The following MYLK4 variants were observed in gnomAD, a reference collection of about 807,000 sequenced individuals.
MYLK4 encodes myosin light chain kinase family member 4, also known as caMLCK like.
A neutral mutation model predicts 48.1 loss-of-function variants in MYLK4; 46 were observed. That is an observed-to-expected ratio of 0.96 (90% CI 0.75 to 1.22). The LOEUF (loss-of-function observed/expected upper bound fraction) is 1.22, where lower values mean the gene tolerates loss of function less well. Ranked by LOEUF, MYLK4 falls within the 50% of genes most tolerant of loss-of-function variation. The pLI is 0.00. For synonymous variants in MYLK4, 170 were observed against 180.8 expected, an observed-to-expected ratio of 0.94 and a Z score of 0.48; for missense variants, 451 against 486.1, an observed-to-expected ratio of 0.93 and a Z score of 0.68.
At chr6:2,763,551 C>G in the MYLK4 span, among the ~76,000 whole-genome samples, 1 of 152,226 alleles carries the variant, frequency 6.6e-6, no homozygotes, top group Non-Finnish European at 1.5e-5. Flanking sequence ...GTGGTGCAGG[C>G]CGCTCCGAGC....
chr6:2,735,153 G>A (rs574828651), intron 2 of MYLK4, among the ~76,000 whole-genome samples: 2 of 152,298 alleles, frequency 1.3e-5, no homozygotes, highest in South Asian at 2.1e-4. Flanking sequence ...AATTCTTCCC[G>A]TATTAGAGCC....
At chr6:2,737,217 G>A (rs1763711677) in intron 2 of MYLK4, among the ~76,000 whole-genome samples, 1 of 152,250 alleles carries the variant, frequency 6.6e-6, no homozygotes, top group African/African-American at 2.4e-5. Context: ...GGAGGCAAAG[G>A]CAGGAGAATC....
chr6:2,754,560 C>A (rs1466390), upstream of MYLK4, among the ~76,000 whole-genome samples: 123,140 of 152,168 alleles, frequency 0.81, 50,121 homozygotes, highest in Non-Finnish European at 0.85. Context: ...GAATCTTACC[C>A]GATGATGTGT....
At chr6:2,727,895 C>T (rs1007852226) in intron 2 of MYLK4, among the ~76,000 whole-genome samples, 3 of 149,648 alleles carry the variant, frequency 2.0e-5, no homozygotes, top group Non-Finnish European at 4.4e-5. Context: ...TGCAGTGAGC[C>T]GAGATCACGC....
chr6:2,713,508 G>A (rs534247134), intron 2 of MYLK4, among the ~76,000 whole-genome samples: 1 of 152,356 alleles, frequency 6.6e-6, no homozygotes, highest in African/African-American at 2.4e-5. Flanking sequence ...GGCCAAAAGA[G>A]AAGGTTCTGT....
chr6:2,760,415 A>G, the MYLK4 span, among the ~76,000 whole-genome samples: 2 of 152,192 alleles, frequency 1.3e-5, no homozygotes, highest in African/African-American at 4.8e-5. Flanking sequence ...CTGAGTTTCT[A>G]TGTCCAGAGT....
At chr6:2,718,192 A>G (rs59315567) in intron 2 of MYLK4, among the ~76,000 whole-genome samples, 16 of 103,450 alleles carry the variant, frequency 1.5e-4, no homozygotes, top group Non-Finnish European at 2.4e-4. Flanking sequence ...AAAAAAAAAA[A>G]AAAAAAAAAG....
chr6:2,720,631 A>T lies in MYLK4; in HGVS notation c.160-27772T>A, dbSNP rs180819309. Among the ~76,000 whole-genome samples the T allele has an allele frequency of 1.9e-3, 295 of 152,296 alleles. 1 individual carries two copies. The highest frequency in any genetic ancestry group is 6.7e-3 in the African/African-American group (280 of 41,564). ...AAATGTATTAAATCTATGTCACAAG[A>T]ATAGGATTCGTGTAAAAGAAACATT... On this transcript the variant is annotated intron_variant, in intron 2 of 12. Transcript: ENST00000274643.
At chr6:2,683,253 C>T (rs1179105170) in intron 6 of MYLK4, 91 bp from the exon 7 acceptor site, 6 of 1,414,038 alleles carry the variant, frequency 4.2e-6, no homozygotes, top group Non-Finnish European at 5.9e-6. Flanking sequence ...AGTTCTGCTA[C>T]CTCTTCTGAA....
At chr6:2,748,418 G>A (rs753206631) in intron 2 of MYLK4, among the ~76,000 whole-genome samples, 1 of 152,236 alleles carries the variant, frequency 6.6e-6, no homozygotes, top group Non-Finnish European at 1.5e-5. Context: ...CACCGGGCAA[G>A]GAGCCAACGG....
rs1359204201 is a variant in MYLK4, at chr6:2,724,563, T to TA, written c.159+24572dup. ...AGGATAAAGCTTTTTACTCCCAAGT[T>TA]AAAATCACACTACAGAAATCCATCC... is the stretch of plus-strand genomic sequence containing the variant. On this transcript the variant is annotated intron_variant, in intron 2 of 12. Transcript: ENST00000274643. Among the ~76,000 whole-genome samples the TA allele has an allele frequency of 7.2e-5, 11 of 152,316 alleles. No homozygotes were observed. In the East Asian group the frequency reaches 1.9e-3, roughly 27 times the overall value.
At chr6:2,735,066 A>C (rs1367040316) in intron 2 of MYLK4, among the ~76,000 whole-genome samples, 3 of 152,198 alleles carry the variant, frequency 2.0e-5, no homozygotes, top group Non-Finnish European at 4.4e-5. Context: ...ACTAAGTTCA[A>C]ATTAAGGCAC....
At chr6:2,691,630 C>T (rs191608455) in intron 3 of MYLK4, among the ~76,000 whole-genome samples, 32 of 152,246 alleles carry the variant, frequency 2.1e-4, no homozygotes, top group African/African-American at 7.7e-4. Context: ...TAAATCTAGT[C>T]ATTATTTAAT....
the MYLK4 span, chr6:2,770,288 T>A: frequency 6.2e-7 from 1 of 1,614,144 alleles, no homozygotes. Flanking sequence ...AGCGATCAAC[T>A]CCCTGGGAAT....
intron 2 of MYLK4, among the ~76,000 whole-genome samples, chr6:2,707,573 A>C (rs1250002773): frequency 6.6e-6 from 1 of 152,228 alleles, no homozygotes; most frequent in Non-Finnish European, 1.5e-5. Context: ...ATAGAGAAGT[A>C]GTGTTATTTA....
intron 3 of MYLK4, among the ~76,000 whole-genome samples, chr6:2,691,737 T>A (rs1761809845): frequency 6.6e-6 from 1 of 152,232 alleles, no homozygotes; most frequent in Non-Finnish European, 1.5e-5. Context: ...CTATTAATCA[T>A]CATCTTTGTC....
Position 2,679,312 on chromosome 6 carries a change from G to A in MYLK4, c.855C>T (p.Asp285=). 6.2e-7 allele frequency: 1 copy of A among 1,614,180 alleles called. No individual in the cohort carries two copies. The highest frequency in any genetic ancestry group is 8.5e-7 in the Non-Finnish European group (1 of 1,180,006). Residue 285 remains aspartate (D), a synonymous_variant, in exon 9 of 13, where the codon GAC becomes GAT. Transcript: ENST00000274643. ...AGGCGATGACCCCCACACTCCACAT[G>A]TCAGTGGGAAATGAAACAAAATCAT... ...VNYDFVSFPT[D]MWSVGVIAYM...
At chr6:2,670,903 G>C (rs1483770806) in intron 12 of MYLK4, among the ~76,000 whole-genome samples, 1 of 152,082 alleles carries the variant, frequency 6.6e-6, no homozygotes, top group East Asian at 1.9e-4. Context: ...AGAAGAGGGT[G>C]TCACTTCCTC....
intron 2 of MYLK4, among the ~76,000 whole-genome samples, chr6:2,745,210 G>T (rs1425732287): frequency 1.3e-5 from 2 of 152,256 alleles, no homozygotes; most frequent in Middle Eastern, 3.4e-3. Flanking sequence ...GGGTGTGGGG[G>T]TGTATATGAG....
Sources: allele counts gnomAD v4.1 joint callset (sites outside exome capture counted in the v4.1 genomes callset), GRCh38; gene constraint gnomAD v4.1.1; transcripts MANE v1.5; gene names NCBI Gene and HGNC (gene_info 2026-07-23, HGNC 2026-07-21).